Variants in TCF7L2 observed in about 807,000 individuals in gnomAD.
The protein encoded by TCF7L2 is transcription factor 7 like 2, also known as transcription factor 7-like 2.
Under a neutral mutation model 77.9 loss-of-function variants are expected in TCF7L2, and 23 were observed. The observed-to-expected ratio is 0.30, with a 90% CI of 0.21 to 0.42. The LOEUF (loss-of-function observed/expected upper bound fraction) is 0.42, where lower values mean the gene tolerates loss of function less well. Ranked by LOEUF, TCF7L2 falls within the 10% of genes least tolerant of loss-of-function variation. TCF7L2 has a pLI of 1.00. For synonymous variants in TCF7L2, 413 were observed against 340.2 expected, an observed-to-expected ratio of 1.21 and a Z score of -2.36; for missense variants, 654 against 793.1, an observed-to-expected ratio of 0.82 and a Z score of 2.11.
intron 5 of TCF7L2, among the ~76,000 whole-genome samples, chr10:113,054,702 T>C (rs946798581): frequency 3.9e-5 from 6 of 152,234 alleles, no homozygotes; most frequent in African/African-American, 1.2e-4. Context: ...CAGGCTGTTA[T>C]TAATATGAAA....
rs756227318 is a variant in TCF7L2 at position 113,166,008 on chromosome 10, T to C, written c.*36T>C. 3.5e-6 allele frequency: 5 copies of C among 1,426,880 alleles called. No individual in the cohort carries two copies. The highest frequency in any genetic ancestry group is 2.9e-5 in the African/African-American group (2 of 69,614). 88.4% of individuals were successfully genotyped at this position (1,426,880 alleles called of 1,614,324 possible). A position where few individuals can be genotyped will look rare whatever the true frequency, so the allele number is the denominator to read the frequency against. ...GTGAACCCCGCTGCTTTGTTTATGG[T>C]TTTGTTTCACTTTTCTTAATTTGCC... is the stretch of plus-strand genomic sequence containing the variant. On this transcript the variant is annotated 3_prime_UTR_variant, in exon 14 of 14. Transcript: ENST00000627217.
chr10:113,006,344 C>T (rs1370304647), intron 4 of TCF7L2, among the ~76,000 whole-genome samples: 1 of 152,206 alleles, frequency 6.6e-6, no homozygotes, highest in Admixed American at 6.5e-5. Flanking sequence ...ACAAGCACAG[C>T]CCGAGGGCTC....
At chr10:113,040,537 C>G (rs1238242606) in intron 5 of TCF7L2, among the ~76,000 whole-genome samples, 2 of 152,158 alleles carry the variant, frequency 1.3e-5, no homozygotes, top group Non-Finnish European at 2.9e-5. Context: ...TGCCTATTAT[C>G]CTCTCCCCCA....
intron 11 of TCF7L2, 62 bp downstream of exon 11, chr10:113,152,502 C>A: frequency 6.4e-6 from 9 of 1,400,990 alleles, no homozygotes; most frequent in East Asian, 2.3e-5. Context: ...TCTATACGGA[C>A]AAAGAGAACA....
In TCF7L2 at chr10:113,032,170, G is replaced by C. The variant is rs561822956; in HGVS notation, c.451-7855G>C. On this transcript the variant is annotated intron_variant, in intron 4 of 13. Coordinates refer to ENST00000627217, the MANE Select transcript of TCF7L2 (RefSeq NM_001146274.2). ...TTGGGAGAGGGTGGAAGGAAGGCCT[G>C]GGCCTCAGCCTAAGGGGCCCATTGG... Among the ~76,000 whole-genome samples, 4 of 152,294 alleles carry C rather than the reference G, an allele frequency of 2.6e-5. No individual in the cohort carries two copies. The South Asian group carries it at 8.3e-4, about 32-fold the overall frequency.
chr10:112,961,757 T>G (rs2035289118), intron 3 of TCF7L2, among the ~76,000 whole-genome samples: 1 of 151,540 alleles, frequency 6.6e-6, no homozygotes, highest in Non-Finnish European at 1.5e-5. Flanking sequence ...AATAAGCTGC[T>G]TGTGCTGGGT....
intron 5 of TCF7L2, among the ~76,000 whole-genome samples, chr10:113,084,731 C>T (rs1472352981): frequency 6.6e-6 from 1 of 151,728 alleles, no homozygotes. Context: ...CCGGTCTCTA[C>T]CAAAAAAAAT....
chr10:113,116,845 T>A (rs1401539138), intron 5 of TCF7L2, among the ~76,000 whole-genome samples: 1 of 152,124 alleles, frequency 6.6e-6, no homozygotes, highest in African/African-American at 2.4e-5. Flanking sequence ...TGAAAGAAAA[T>A]CATTAATCTT....
At chr10:112,964,738 GAT>G in intron 4 of TCF7L2, 114 bp downstream of exon 4, 1 of 910,422 alleles carries the variant, frequency 1.1e-6, no homozygotes. Context: ...TGATGATGAT[GAT>G]GGTGGTGGTG....
intron 3 of TCF7L2, among the ~76,000 whole-genome samples, chr10:112,952,710 C>T (rs1278377555): frequency 6.6e-6 from 1 of 151,962 alleles, no homozygotes; most frequent in African/African-American, 2.4e-5. Flanking sequence ...CGATCGCCGG[C>T]CACCCAACTT....
rs764051099 is a variant in TCF7L2 at position 112,968,994 on chromosome 10, A to AAT, written c.450+4381_450+4382dup. 7.2e-5 allele frequency among the ~76,000 whole-genome samples: 11 copies of AAT among 151,900 alleles called. No homozygotes were observed. In the East Asian group the frequency reaches 9.6e-4, roughly 13 times the overall value. ...AAGCAGTCAATGATAAACCCAAAGG[A>AAT]ATATATATATATTCCTTGTTGTGTC... On this transcript the variant is annotated intron_variant, in intron 4 of 13. Coordinates refer to ENST00000627217, the MANE Select transcript of TCF7L2 (RefSeq NM_001146274.2).
intron 10 of TCF7L2, 42 bp from the exon 11 acceptor site, chr10:113,152,291 T>C: frequency 6.6e-7 from 1 of 1,523,804 alleles, no homozygotes; most frequent in South Asian, 1.1e-5. Context: ...TGCTTTTCTC[T>C]TTGTTCATGT....
At chr10:113,097,329 A>G (rs991455327) in intron 5 of TCF7L2, among the ~76,000 whole-genome samples, 2 of 152,200 alleles carry the variant, frequency 1.3e-5, no homozygotes, top group African/African-American at 4.8e-5. Flanking sequence ...CTCTCAGGAC[A>G]AATTTCTTTC....
chr10:113,128,318 T>C (rs2065997009), intron 5 of TCF7L2, among the ~76,000 whole-genome samples: 1 of 152,170 alleles, frequency 6.6e-6, no homozygotes, highest in African/African-American at 2.4e-5. Context: ...ATTCCCACTT[T>C]TTTGTTATTT....
chr10:113,026,519 G>T (rs2049206147), intron 4 of TCF7L2, among the ~76,000 whole-genome samples: 1 of 152,166 alleles, frequency 6.6e-6, no homozygotes, highest in Non-Finnish European at 1.5e-5. Context: ...GCTCCACAAT[G>T]GTGAATCAGG....
intron 5 of TCF7L2, among the ~76,000 whole-genome samples, chr10:113,115,916 AG>A (rs756358132): frequency 2.0e-5 from 3 of 152,120 alleles, no homozygotes; most frequent in Non-Finnish European, 4.4e-5. Flanking sequence ...GATTTCATAA[AG>A]TTAAAAATAG....
intron 13 of TCF7L2, chr10:113,161,399 A>G: frequency 4.6e-6 from 3 of 647,772 alleles, no homozygotes; most frequent in Admixed American, 2.5e-5. Context: ...AGAACAGCCC[A>G]GAAGTGTCCA....
chr10:113,050,109 G>C (rs760429157), intron 5 of TCF7L2, among the ~76,000 whole-genome samples: 8 of 152,184 alleles, frequency 5.3e-5, no homozygotes, highest in Non-Finnish European at 8.8e-5. Flanking sequence ...TCTAGCCCGA[G>C]CCTGCATAGC....
intron 5 of TCF7L2, among the ~76,000 whole-genome samples, chr10:113,068,630 A>G (rs1177584098): frequency 6.6e-6 from 1 of 152,114 alleles, no homozygotes; most frequent in Non-Finnish European, 1.5e-5. Context: ...GACGTGGAGC[A>G]CTGTCCTGGA....
Sources: allele counts gnomAD v4.1 joint callset (sites outside exome capture counted in the v4.1 genomes callset), GRCh38; gene constraint gnomAD v4.1.1; transcripts MANE v1.5; gene names NCBI Gene and HGNC (gene_info 2026-07-23, HGNC 2026-07-21).